The following GMDS variants were observed in gnomAD, a reference collection of about 807,000 sequenced individuals.
The protein encoded by GMDS is GDP-mannose 4,6-dehydratase.
GMDS carries 20 observed loss-of-function variants against 49.9 expected under a neutral mutation model. That is an observed-to-expected ratio of 0.40 (90% CI 0.28 to 0.58). The LOEUF (loss-of-function observed/expected upper bound fraction) is 0.58. Among genes scored for constraint, GMDS ranks in the 20% least tolerant of loss-of-function variants. GMDS has a pLI of 0.42. For synonymous variants in GMDS, 177 were observed against 178.6 expected (o/e 0.99, Z 0.07); for missense variants, 362 against 481.4 (o/e 0.75, Z 2.32).
chr6:1,801,837 T>C (rs1293049703), intron 7 of GMDS, among the ~76,000 whole-genome samples: 1 of 152,250 alleles, frequency 6.6e-6, no homozygotes, highest in Non-Finnish European at 1.5e-5. Context: ...TCAGCTTTCA[T>C]GAGGGGACAA....
intron 4 of GMDS, among the ~76,000 whole-genome samples, chr6:1,962,909 C>T (rs1310902688): frequency 6.8e-6 from 1 of 147,244 alleles, no homozygotes; most frequent in African/African-American, 2.5e-5. Flanking sequence ...TGGAGTCTTG[C>T]TCTGTCACCC....
intron 8 of GMDS, among the ~76,000 whole-genome samples, chr6:1,734,536 G>C (rs183874495): frequency 6.6e-6 from 1 of 152,352 alleles, no homozygotes. Flanking sequence ...CCAGGCTTCT[G>C]GGCTGCCCCA....
chr6:1,709,997 T>C (rs1344048586), intron 9 of GMDS, among the ~76,000 whole-genome samples: 1 of 152,206 alleles, frequency 6.6e-6, no homozygotes, highest in Non-Finnish European at 1.5e-5. Flanking sequence ...ATCACACATA[T>C]ATATAAACCG....
intron 1 of GMDS, among the ~76,000 whole-genome samples, chr6:2,196,834 T>A (rs1294210064): frequency 6.6e-6 from 1 of 152,140 alleles, no homozygotes; most frequent in African/African-American, 2.4e-5. Context: ...AAGATTTTTA[T>A]CAAAGCAGAA....
intron 4 of GMDS, among the ~76,000 whole-genome samples, chr6:2,063,996 C>T (rs1215123858): frequency 6.6e-6 from 1 of 152,108 alleles, no homozygotes; most frequent in Admixed American, 6.5e-5. Context: ...GCCCAAGTGT[C>T]GGGCAAATTG....
chr6:1,835,620 T>C (rs1204436789), intron 7 of GMDS, among the ~76,000 whole-genome samples: 1 of 152,210 alleles, frequency 6.6e-6, no homozygotes, highest in Non-Finnish European at 1.5e-5. Flanking sequence ...TTCTTAGATC[T>C]CTTTTGTATT....
At chr6:2,126,426 CA>C (rs1427803109) in intron 1 of GMDS, among the ~76,000 whole-genome samples, 2 of 151,690 alleles carry the variant, frequency 1.3e-5, no homozygotes, top group Admixed American at 6.6e-5. Flanking sequence ...CCAGATATTC[CA>C]GGGGGAAAAA....
intron 7 of GMDS, among the ~76,000 whole-genome samples, chr6:1,899,294 GTT>G (rs565806414): frequency 0.018 from 2,663 of 144,606 alleles, 82 homozygotes; most frequent in African/African-American, 0.063. Flanking sequence ...TTTGATTTGT[GTT>G]TTTTTTTTTT....
intron 1 of GMDS, among the ~76,000 whole-genome samples, chr6:2,196,858 T>A (rs1431895769): frequency 6.6e-6 from 1 of 152,202 alleles, no homozygotes; most frequent in Non-Finnish European, 1.5e-5. Flanking sequence ...GTCCAAAGCA[T>A]ACCTTTATCT....
In GMDS at chr6:1,780,859, A is replaced by G. The variant is rs570385584; in HGVS notation, c.772-38273T>C. ...ATTTAATCAGAGAGACTGAACTGTAACCCAGGATTTACAAATTACATCAAG... is the reference window on the plus strand; with the variant it reads ...ATTTAATCAGAGAGACTGAACTGTAGCCCAGGATTTACAAATTACATCAAG... On this transcript the variant is annotated intron_variant, in intron 7 of 10. Coordinates refer to ENST00000380815, the MANE Select transcript of GMDS (RefSeq NM_001500.4). 1.1e-3 allele frequency among the ~76,000 whole-genome samples: 171 copies of G among 152,328 alleles called. 1 individual carries two copies. The highest frequency in any genetic ancestry group is 4.0e-3 in the African/African-American group (166 of 41,570).
At chr6:1,871,951 T>A (rs1416624492) in intron 7 of GMDS, among the ~76,000 whole-genome samples, 1 of 152,236 alleles carries the variant, frequency 6.6e-6, no homozygotes, top group African/African-American at 2.4e-5. Flanking sequence ...TGAGACGCTG[T>A]GAGCACCTAC....
At chr6:2,065,075 T>A (rs2127451810) in intron 4 of GMDS, among the ~76,000 whole-genome samples, 1 of 152,220 alleles carries the variant, frequency 6.6e-6, no homozygotes, top group African/African-American at 2.4e-5. Flanking sequence ...GCTGGAGATC[T>A]GAGGACAGGC....
At position 1,691,976 on chromosome 6, in the gene GMDS, T is replaced by G. The variant is rs116054628; in HGVS notation, c.987+34440A>C. Among the ~76,000 whole-genome samples, 728 of 152,254 alleles carry G rather than the reference T, an allele frequency of 4.8e-3. 1 individual carries two copies. The highest frequency in any genetic ancestry group is 8.2e-3 in the Non-Finnish European group (555 of 68,010). On this transcript the variant is annotated intron_variant, in intron 9 of 10. Transcript: ENST00000380815. ...GGGAGTTGCCAAAGGAGATCAACATTTGAGTCCGTGGACTGGGAGAAGCAG... is the reference window on the plus strand; with the variant it reads ...GGGAGTTGCCAAAGGAGATCAACATGTGAGTCCGTGGACTGGGAGAAGCAG...
At chr6:1,744,424 C>T (rs762186802) in intron 7 of GMDS, among the ~76,000 whole-genome samples, 8 of 152,146 alleles carry the variant, frequency 5.3e-5, no homozygotes, top group East Asian at 1.9e-4. Flanking sequence ...GGTTGGTGAA[C>T]TGAGCCACAA....
At chr6:2,243,821 T>G (rs867994189) in intron 1 of GMDS, among the ~76,000 whole-genome samples, 1 of 149,258 alleles carries the variant, frequency 6.7e-6, no homozygotes, top group Non-Finnish European at 1.5e-5. Context: ...ACTGTGCATC[T>G]GGCCAATTTC....
At chr6:2,164,456 G>A (rs563502598) in intron 1 of GMDS, among the ~76,000 whole-genome samples, 1 of 152,128 alleles carries the variant, frequency 6.6e-6, no homozygotes, top group African/African-American at 2.4e-5. Context: ...CTGCCTCAAG[G>A]AAGCCACTAC....
intron 7 of GMDS, among the ~76,000 whole-genome samples, chr6:1,777,757 A>G (rs959259036): frequency 5.9e-5 from 9 of 152,360 alleles, no homozygotes; most frequent in Admixed American, 5.9e-4. Context: ...ATGGAGGGAT[A>G]GCAAGAGGGT....
intron 1 of GMDS, among the ~76,000 whole-genome samples, chr6:2,136,083 T>G (rs576544021): frequency 2.0e-5 from 3 of 152,184 alleles, no homozygotes; most frequent in Non-Finnish European, 4.4e-5. Context: ...TGTCGCACTA[T>G]TGTAAGTATT....
intron 4 of GMDS, among the ~76,000 whole-genome samples, chr6:2,059,806 T>C (rs144921564): frequency 2.1e-5 from 3 of 145,500 alleles, no homozygotes; most frequent in African/African-American, 5.1e-5. Flanking sequence ...ACCCCAAATA[T>C]ATAATAAATA....
Sources: allele counts gnomAD v4.1 joint callset (sites outside exome capture counted in the v4.1 genomes callset), GRCh38; gene constraint gnomAD v4.1.1; transcripts MANE v1.5; gene names NCBI Gene and HGNC (gene_info 2026-07-23, HGNC 2026-07-21).